SGSH: variants seen among roughly 807,000 people sequenced by gnomAD.
The protein encoded by SGSH is heparan sulfate sulfatase.
Under a neutral mutation model 51.0 loss-of-function variants are expected in SGSH, and 48 were observed. That is an observed-to-expected ratio of 0.94 (90% confidence interval 0.75 to 1.20). SGSH has a LOEUF of 1.20. SGSH is among the 50% of genes most tolerant of loss of function. The pLI is 0.00. For synonymous variants in SGSH, 321 were observed against 313.4 expected (o/e 1.02, Z -0.26); for missense variants, 662 against 717.8 (o/e 0.92, Z 0.89).
chr17:80,204,710 G>C (rs1203051873), downstream of SGSH: 1 of 400,248 alleles, frequency 2.5e-6, no homozygotes, highest in African/African-American at 2.0e-5. Context: ...GAGGAGAAGG[G>C]TGCCACTCTC....
chr17:80,204,639 A>AG, downstream of SGSH: 1 of 333,496 alleles, frequency 3.0e-6, no homozygotes, highest in Non-Finnish European at 5.5e-6. Flanking sequence ...AAAAAAAAAA[A>AG]TTTCAGGAGA....
downstream of SGSH, chr17:80,205,332 CCTG>C: frequency 1.7e-6 from 2 of 1,156,068 alleles, no homozygotes; most frequent in Non-Finnish European, 2.4e-6. Context: ...CCCACACTCA[CCTG>C]CTGTGTCCAG....
chr17:80,214,118 G>C, intron 5 of SGSH, 54 bp downstream of exon 5: 1 of 1,566,870 alleles, frequency 6.4e-7, no homozygotes, highest in Non-Finnish European at 8.7e-7. Context: ...AGGAGGCCAG[G>C]GTCCCCGACC....
chr17:80,212,324 G>A lies in SGSH; in HGVS notation c.746-50C>T, dbSNP rs1567918793. 1 of 1,509,138 alleles carries A rather than the reference G, an allele frequency of 6.6e-7. No homozygotes were observed. 93.5% of individuals were successfully genotyped at this position (1,509,138 alleles called of 1,614,324 possible). ...AGCTCAGCCGCAGACACGGAGGGAG[G>A]CAGCGGGTGGTGTGTGTAGACCCAC... On this transcript the variant is annotated intron_variant, in intron 6 of 7. Transcript: ENST00000326317. This position sits in a 1 kb window ranked among gnomAD's most constrained non-coding sequence, Gnocchi z 5.9.
downstream of SGSH, chr17:80,204,200 C>T: frequency 6.4e-7 from 1 of 1,563,936 alleles, no homozygotes; most frequent in Non-Finnish European, 8.7e-7. Context: ...ACAGCTCCTC[C>T]TCATCCTTTC....
rs774602372 is a variant in SGSH, at chr17:80,213,869, G to A, written c.680C>T (p.Pro227Leu). The A allele has an allele frequency of 4.4e-6, 7 of 1,608,230 alleles. No homozygotes were observed. Among genetic ancestry groups the A allele is most frequent in the South Asian group, 2.2e-5 (2 of 90,286 alleles). Residue 227 changes from proline (P) to leucine (L), a missense_variant, in exon 6 of 8, where the codon CCC becomes CTC. Pro to Leu is a moderately conservative substitution (Grantham distance 98). Coordinates refer to ENST00000326317, the MANE Select transcript of SGSH (RefSeq NM_000199.5). This position sits in a 1 kb window ranked among gnomAD's most constrained non-coding sequence, Gnocchi z 4.6. ...GTCGGCTCGGGCTGCCGGGGTGTTGGGGACGAAGTAAGGCACCTGGGGCAG... is the reference window on the plus strand; with the variant it reads ...GTCGGCTCGGGCTGCCGGGGTGTTGAGGACGAAGTAAGGCACCTGGGGCAG... Reference protein sequence around the residue: ...PLDVLVPYFVPNTPAARADLA... With the variant: ...PLDVLVPYFVLNTPAARADLA...
downstream of SGSH, chr17:80,204,193 G>A: frequency 6.4e-7 from 1 of 1,553,370 alleles, no homozygotes; most frequent in Non-Finnish European, 8.8e-7. Flanking sequence ...GGCTTCAACA[G>A]CTCCTCCTCA....
Position 80,209,566 on chromosome 17 carries a change from A to G in SGSH, c.*886T>C. 9.6e-6 allele frequency: 9 copies of G among 934,844 alleles called. No homozygotes were observed. The highest frequency in any genetic ancestry group is 1.1e-5 in the Non-Finnish European group (9 of 786,104). 57.9% of individuals were successfully genotyped at this position (934,844 alleles called of 1,614,324 possible). ...CCCAAGCCAGAGGACGGGCATCGCC[A>G]CCCAGCAACGCCAGTGTCACCGAAG... On this transcript the variant is annotated 3_prime_UTR_variant, in exon 8 of 8. Transcript: ENST00000326317.
At chr17:80,208,125 C>A, downstream of SGSH, 1 of 1,512,194 alleles carries the variant, frequency 6.6e-7, no homozygotes, top group Non-Finnish European at 8.9e-7. Context: ...CCCCCCAACT[C>A]TGGCCTGTGC....
chr17:80,217,423 G>A (rs2041935978), intron 1 of SGSH, among the ~76,000 whole-genome samples: 1 of 152,222 alleles, frequency 6.6e-6, no homozygotes, highest in Admixed American at 6.5e-5. Flanking sequence ...CAGAGGGCAT[G>A]TTAGCAGGTC....
chr17:80,210,266 G>A lies in SGSH; in HGVS notation c.*186C>T, dbSNP rs1442514769. The A allele has an allele frequency of 5.6e-6, 8 of 1,430,664 alleles. No homozygotes were observed. In the East Asian group the frequency reaches 1.8e-4, roughly 31 times the overall value. The allele number at this position is 1,430,664 out of a possible 1,614,324, so 88.6% of individuals were successfully genotyped here. On this transcript the variant is annotated 3_prime_UTR_variant, in exon 8 of 8. Transcript: ENST00000326317. ...GTGGAGGGGCTGGGCACATGCTCTG[G>A]TCACATGCTCTGGTCCCCCTCCAGG... is the stretch of plus-strand genomic sequence containing the variant.
intron 3 of SGSH, 103 bp from the exon 4 acceptor site, chr17:80,214,868 G>T: frequency 7.1e-7 from 1 of 1,418,042 alleles, no homozygotes; most frequent in Non-Finnish European, 9.8e-7. Context: ...GGTTCTCGTG[G>T]ACACACAGCC....
rs1406590206 is a variant in SGSH, at chr17:80,210,338, G to A, written c.*114C>T. 9.7e-6 allele frequency: 14 copies of A among 1,449,952 alleles called. No homozygotes were observed. The Admixed American group carries it at 3.5e-4, about 36-fold the overall frequency. 89.8% of individuals were successfully genotyped at this position (1,449,952 alleles called of 1,614,324 possible). On this transcript the variant is annotated 3_prime_UTR_variant, in exon 8 of 8. Coordinates refer to ENST00000326317, the MANE Select transcript of SGSH (RefSeq NM_000199.5). The stretch of plus-strand genomic sequence containing the variant: ...AGGAAGGAAGAACCCTCCTTGGATG[G>A]GAGTGTGGACGGAAGGGCTGTTGCC...
In SGSH at chr17:80,210,709, C is replaced by G. The variant is rs763743161; in HGVS notation, c.1252G>C (p.Gly418Arg). 5.0e-6 allele frequency: 8 copies of G among 1,614,072 alleles called. No individual in the cohort carries two copies. In the South Asian group the frequency reaches 6.6e-5, roughly 13 times the overall value. The part of the protein sequence containing the change: ...FQDLLNRTTA[G>R]QPTGWYKDLR... The stretch of plus-strand genomic sequence containing the variant: ...TCCTTGTACCAGCCCGTGGGCTGAC[C>G]AGCTGTGGTGCGGTTCAGGAGGTCC... Residue 418 changes from glycine (G) to arginine (R), a missense_variant, in exon 8 of 8, where the codon GGT becomes CGT. Transcript: ENST00000326317.
chr17:80,210,489 A>G lies in SGSH; in HGVS notation c.1472T>C (p.Leu491Pro), dbSNP rs529747766. ...GTGGAGGGGCTGGCACTGGGGAGAG[A>G]GCTTCTCCTCCAGGACGCCGTCGGG... ...CAPDGVLEEK[L>P]SPQCQPLHNE... The change falls in exon 8 of 8, where the codon CTC becomes CCC. Residue 491 changes from leucine (L) to proline (P), a missense_variant. Physicochemically the swap from Leu to Pro is moderately conservative, Grantham distance 98 (BLOSUM62 -3). Transcript: ENST00000326317. The G allele has an allele frequency of 6.2e-6, 10 of 1,602,934 alleles. No individual in the cohort carries two copies. The highest frequency in any genetic ancestry group is 7.6e-6 in the Non-Finnish European group (9 of 1,178,828).
chr17:80,201,763 A>G (rs1026735564), downstream of SGSH: 2 of 1,614,020 alleles, frequency 1.2e-6, no homozygotes, highest in African/African-American at 2.7e-5. This position sits in a 1 kb window ranked among gnomAD's most constrained non-coding sequence, Gnocchi z 5.0. Context: ...GAAGCCTCAG[A>G]GCCCTTGTTC....
the SGSH span, chr17:80,201,359 A>G: frequency 4.9e-6 from 1 of 204,572 alleles, no homozygotes; most frequent in African/African-American, 2.4e-5. This position sits in a 1 kb window ranked among gnomAD's most constrained non-coding sequence, Gnocchi z 5.0. Context: ...AGGGCCCGGT[A>G]TAGCCCGCAG....
chr17:80,214,461 C>T, intron 4 of SGSH, 133 bp from the exon 5 acceptor site: 1 of 1,291,884 alleles, frequency 7.7e-7, no homozygotes, highest in South Asian at 1.4e-5. Flanking sequence ...TCCCCACGTC[C>T]CTTCTCCCTC....
intron 1 of SGSH, among the ~76,000 whole-genome samples, chr17:80,218,467 G>A (rs998998401): frequency 1.3e-5 from 2 of 152,218 alleles, no homozygotes; most frequent in African/African-American, 4.8e-5. Context: ...CCACAGGAGA[G>A]GCTGGTGGGA....
Sources: allele counts gnomAD v4.1 joint callset (sites outside exome capture counted in the v4.1 genomes callset), GRCh38; gene constraint gnomAD v4.1.1; non-coding constraint Gnocchi (gnomAD v3.1); transcripts MANE v1.5; gene names NCBI Gene and HGNC (gene_info 2026-07-23, HGNC 2026-07-21).